The following POLD3 variants were observed in gnomAD, a reference collection of about 807,000 sequenced individuals.
The protein encoded by POLD3 is DNA polymerase delta 3, accessory subunit.
Under a neutral mutation model 58.2 loss-of-function variants are expected in POLD3, and 19 were observed. The ratio of observed to expected loss-of-function variants is 0.33; its 90% CI spans 0.23 to 0.48. The LOEUF (loss-of-function observed/expected upper bound fraction) is 0.48. Among genes scored for constraint, POLD3 ranks in the 20% least tolerant of loss-of-function variants. The pLI, the probability that POLD3 is intolerant of heterozygous loss-of-function variation, is 0.99. For synonymous variants in POLD3, 172 were observed against 193.5 expected (o/e 0.89, Z 0.92); for missense variants, 504 against 545.5 (o/e 0.92, Z 0.76).
At position 74,601,923 on chromosome 11, in the gene POLD3, G is replaced by T. The variant is rs142948769; in HGVS notation, c.117-2769G>T. Among the ~76,000 whole-genome samples the T allele has an allele frequency of 2.9e-4, 44 of 152,234 alleles. No homozygotes were observed. In the East Asian group the frequency reaches 8.3e-3, roughly 29 times the overall value. ...AAGAGCCTTCTAGGCAGAAGGAAGG[G>T]CATATACAAAGGAATAAAGAGAATT... On this transcript the variant is annotated intron_variant, in intron 2 of 11. Coordinates refer to ENST00000263681, the MANE Select transcript of POLD3 (RefSeq NM_006591.3).
At chr11:74,611,009 A>C (rs902735626) in intron 3 of POLD3, among the ~76,000 whole-genome samples, 5 of 152,104 alleles carry the variant, frequency 3.3e-5, no homozygotes, top group African/African-American at 9.7e-5. Flanking sequence ...TCCTGACCTC[A>C]GGTGATCCAC....
Position 74,640,747 on chromosome 11 carries a change from G to T in POLD3, c.1382G>T (p.Gly461Val). 6.3e-7 allele frequency: 1 copy of T among 1,594,904 alleles called. No individual in the cohort carries two copies. The highest frequency in any genetic ancestry group is 2.2e-5 in the East Asian group (1 of 44,572). Residue 461 changes from glycine to valine, a missense_variant, in exon 12 of 12, where the codon GGC becomes GTC. Physicochemically the swap from Gly to Val is moderately radical, Grantham distance 109. Transcript: ENST00000263681. ...GKANRQVSIT[G>V]FFQRK ...GCCAACAGACAGGTGTCCATTACTGGCTTCTTCCAGAGGAAATAAACTGCC... is the reference window on the plus strand; with the variant it reads ...GCCAACAGACAGGTGTCCATTACTGTCTTCTTCCAGAGGAAATAAACTGCC...
At chr11:74,601,434 G>A (rs1422237803) in intron 2 of POLD3, among the ~76,000 whole-genome samples, 1 of 152,154 alleles carries the variant, frequency 6.6e-6, no homozygotes, top group Non-Finnish European at 1.5e-5. Flanking sequence ...TAGTTAGAAG[G>A]CAGGGTGATA....
At position 74,641,098 on chromosome 11, in the gene POLD3, A is replaced by C; in HGVS notation, c.*332A>C. ...GTGGCTAACCCACTGTGCTCCACTC[A>C]CCCTATGCCCTGGTCCGCATATGGC... On this transcript the variant is annotated 3_prime_UTR_variant, in exon 12 of 12. Coordinates refer to ENST00000263681, the MANE Select transcript of POLD3 (RefSeq NM_006591.3). 9.8e-7 allele frequency: 1 copy of C among 1,019,614 alleles called. No individual in the cohort carries two copies. The highest frequency in any genetic ancestry group is 1.2e-6 in the Non-Finnish European group (1 of 852,962). 63.2% of individuals were successfully genotyped at this position (1,019,614 alleles called of 1,614,324 possible). A position where few individuals can be genotyped will look rare whatever the true frequency, so the allele number is the denominator to read the frequency against.
intron 11 of POLD3, 77 bp from the exon 12 acceptor site, chr11:74,640,486 GT>G: frequency 6.9e-7 from 1 of 1,446,060 alleles, no homozygotes. Context: ...AATGATTGGG[GT>G]TAGCAAGACA....
chr11:74,631,477 CTT>C (rs1158260012), intron 9 of POLD3, among the ~76,000 whole-genome samples: 12,392 of 109,814 alleles, frequency 0.11, 397 homozygotes, highest in Middle Eastern at 0.22. Context: ...TTTGTCTTGT[CTT>C]TTTTTTTTTT....
chr11:74,634,681 C>A lies in POLD3; in HGVS notation c.1105C>A (p.Pro369Thr). 1 of 1,599,786 alleles carries A rather than the reference C, an allele frequency of 6.3e-7. No homozygotes were observed. Among genetic ancestry groups the A allele is most frequent in the Non-Finnish European group, 8.6e-7 (1 of 1,166,904 alleles). The change falls in exon 10 of 12, where the codon CCT becomes ACT. Residue 369 changes from proline to threonine, a missense_variant. Transcript: ENST00000263681. The part of the protein sequence containing the change: ...LEPVPKTEPE[P>T]PSVKSSSGEN... ...ACCAGTGCCAAAGACTGAGCCTGAA[C>A]CTCCTTCTGTCAAGGTAAAATTATA...
chr11:74,659,216 T>C (rs1591330014), intron 4 of POLD3, among the ~76,000 whole-genome samples: 1 of 152,220 alleles, frequency 6.6e-6, no homozygotes, highest in Non-Finnish European at 1.5e-5. Flanking sequence ...GCCTGAGCTG[T>C]ACATTGGCCC....
At chr11:74,609,906 AGTT>A (rs1301559896) in intron 3 of POLD3, among the ~76,000 whole-genome samples, 1 of 152,144 alleles carries the variant, frequency 6.6e-6, no homozygotes, top group African/African-American at 2.4e-5. Context: ...CCTTATTGGT[AGTT>A]GTTATTTATG....
exon 5 of POLD3, chr11:74,669,011 G>T (rs982202847): frequency 6.1e-5 from 21 of 341,884 alleles, no homozygotes; most frequent in Non-Finnish European, 9.6e-5. Context: ...TTAGAAGAGG[G>T]TTTCTGAGAG....
At chr11:74,592,761 C>T in intron 1 of POLD3, 43 bp downstream of exon 1, 2 of 1,611,224 alleles carry the variant, frequency 1.2e-6, no homozygotes, top group Middle Eastern at 1.7e-4. Flanking sequence ...CGACCGGGGT[C>T]CTGGGCCCGG....
chr11:74,617,208 C>A (rs530757128), intron 5 of POLD3, among the ~76,000 whole-genome samples: 1 of 152,302 alleles, frequency 6.6e-6, no homozygotes, highest in South Asian at 2.1e-4. Flanking sequence ...TGAAACGGCA[C>A]TTCTATAATG....
intron 2 of POLD3, among the ~76,000 whole-genome samples, chr11:74,603,472 A>G (rs1296278483): frequency 6.6e-6 from 1 of 152,190 alleles, no homozygotes; most frequent in African/African-American, 2.4e-5. Flanking sequence ...GAAAATATGT[A>G]GTAGGGTGAC....
intron 4 of POLD3, chr11:74,668,682 C>A: frequency 1.1e-6 from 1 of 870,428 alleles, no homozygotes; most frequent in Non-Finnish European, 1.6e-6. Context: ...TTAAAGAGGC[C>A]CGGAGTAGCT....
At position 74,639,712 on chromosome 11, in the gene POLD3, T is replaced by G. The variant is rs552085730; in HGVS notation, c.1199-852T>G. Reference sequence around the variant, plus strand: ...TATCTGTGCCTGTGTCCTTTGGGGCTTGCTCATAATGACTGCTTACTGTTA... The same window carrying G: ...TATCTGTGCCTGTGTCCTTTGGGGCGTGCTCATAATGACTGCTTACTGTTA... On this transcript the variant is annotated intron_variant, in intron 11 of 11. Coordinates refer to ENST00000263681, the MANE Select transcript of POLD3 (RefSeq NM_006591.3). Among the ~76,000 whole-genome samples the G allele has an allele frequency of 2.0e-3, 298 of 152,380 alleles. 1 individual carries two copies. Among genetic ancestry groups the G allele is most frequent in the African/African-American group, 6.9e-3 (285 of 41,586 alleles).
intron 6 of POLD3, among the ~76,000 whole-genome samples, 174 bp from the exon 7 acceptor site, chr11:74,619,843 G>A (rs11236172): frequency 0.12 from 18,642 of 152,148 alleles, 1,436 homozygotes; most frequent in African/African-American, 0.22. Flanking sequence ...TTACTGTCTG[G>A]TGTGGATTAT....
At chr11:74,644,974 A>G (rs990939048), downstream of POLD3, among the ~76,000 whole-genome samples, 5 of 152,218 alleles carry the variant, frequency 3.3e-5, no homozygotes, top group African/African-American at 1.2e-4. Flanking sequence ...TAAAGCAGTT[A>G]TTGGAAGCTA....
rs552123952 is a variant in POLD3 at position 74,594,793 on chromosome 11, G to A, written c.116+677G>A. ...GCGGAAGGCATCTCTTCACAGGGTG[G>A]CAGGAGAGAGAATGAGTGTCGAGCG... is the stretch of plus-strand genomic sequence containing the variant. On this transcript the variant is annotated intron_variant, in intron 2 of 11. Coordinates refer to ENST00000263681, the MANE Select transcript of POLD3 (RefSeq NM_006591.3). 9.8e-5 allele frequency among the ~76,000 whole-genome samples: 15 copies of A among 152,310 alleles called. No homozygotes were observed. In the East Asian group the frequency reaches 1.4e-3, roughly 14 times the overall value.
intron 8 of POLD3, among the ~76,000 whole-genome samples, chr11:74,627,547 G>A (rs2032467730): frequency 6.6e-6 from 1 of 152,080 alleles, no homozygotes; most frequent in African/African-American, 2.4e-5. Flanking sequence ...TAACATCCTA[G>A]GGCCTTCACA....
Sources: gnomAD v4.1 joint callset for allele counts (sites outside exome capture counted in the v4.1 genomes callset) on GRCh38, gnomAD v4.1.1 for gene constraint, MANE v1.5 for transcripts, NCBI Gene and HGNC (gene_info 2026-07-23, HGNC 2026-07-21) for gene names.